The following P3H2 variants were observed in gnomAD, a reference collection of about 807,000 sequenced individuals.
The protein encoded by P3H2 is prolyl 3-hydroxylase 2, also known as leprecan-like 1.
Under a neutral mutation model 87.0 loss-of-function variants are expected in P3H2, and 80 were observed. The observed-to-expected ratio is 0.92, with a 90% CI of 0.77 to 1.11. The LOEUF (loss-of-function observed/expected upper bound fraction) is 1.11. P3H2 is among the 50% of genes least tolerant of loss of function. The pLI, the probability that P3H2 is intolerant of heterozygous loss-of-function variation, is 0.00. For synonymous variants in P3H2, 367 were observed against 359.3 expected (o/e 1.02, Z -0.24); for missense variants, 1,001 against 923.9 (o/e 1.08, Z -1.08).
intron 1 of P3H2, among the ~76,000 whole-genome samples, chr3:190,057,785 G>T (rs1726206241): frequency 6.6e-6 from 1 of 152,082 alleles, no homozygotes; most frequent in African/African-American, 2.4e-5. Flanking sequence ...ATCGAAACAT[G>T]GGAGTGAAAG....
At chr3:190,060,521 A>T (rs796656739) in intron 1 of P3H2, among the ~76,000 whole-genome samples, 13 of 152,242 alleles carry the variant, frequency 8.5e-5, no homozygotes, top group Admixed American at 3.3e-4. Flanking sequence ...TTTCCTCTCA[A>T]TTCTTCTAAT....
At chr3:189,984,747 T>C (rs913932474) in intron 6 of P3H2, among the ~76,000 whole-genome samples, 157 bp from the exon 7 acceptor site, 1 of 152,140 alleles carries the variant, frequency 6.6e-6, no homozygotes, top group African/African-American at 2.4e-5. Context: ...TTATATTTTA[T>C]AGATTAATGA....
chr3:189,980,158 A>G (rs1005992229), intron 8 of P3H2, among the ~76,000 whole-genome samples: 2 of 152,150 alleles, frequency 1.3e-5, no homozygotes, highest in Non-Finnish European at 2.9e-5. Context: ...AATACTAAAC[A>G]CTGATAGGCA....
At chr3:190,018,269 AAAT>A (rs904264975) in intron 1 of P3H2, among the ~76,000 whole-genome samples, 5 of 152,202 alleles carry the variant, frequency 3.3e-5, no homozygotes, top group African/African-American at 9.6e-5. Context: ...CATTTCTACA[AAAT>A]AATAATAATA....
intron 1 of P3H2, among the ~76,000 whole-genome samples, chr3:190,083,073 AC>A (rs770614792): frequency 1.3e-5 from 2 of 152,222 alleles, no homozygotes; most frequent in Non-Finnish European, 2.9e-5. Context: ...AATTCTCACA[AC>A]CAAGCAGCTC....
chr3:190,086,842 C>T (rs893983232), intron 1 of P3H2, among the ~76,000 whole-genome samples: 3 of 152,136 alleles, frequency 2.0e-5, no homozygotes, highest in African/African-American at 7.2e-5. Context: ...ATCTGAAAGA[C>T]CAAGTATTTT....
chr3:189,963,999 C>A lies in P3H2; in HGVS notation c.1993G>T (p.Val665Leu). Residue 665 changes from valine to leucine, a missense_variant, in exon 14 of 15, where the codon GTG becomes TTG. Val to Leu is a conservative substitution (Grantham distance 32). Transcript: ENST00000319332. ...KAVTKGKRCA[V>L]ALWFTLDPLY... The stretch of plus-strand genomic sequence containing the variant: ...GGGTCCAAGGTGAACCACAGAGCCA[C>A]AGCACACCTCTTTCCCTTGGTGACT... The A allele has an allele frequency of 6.2e-7, 1 of 1,614,158 alleles. No individual in the cohort carries two copies. The highest frequency in any genetic ancestry group is 8.5e-7 in the Non-Finnish European group (1 of 1,179,990).
chr3:190,122,077 T>A (rs1290433915), upstream of P3H2: 1 of 58,618 alleles, frequency 1.7e-5, no homozygotes, highest in African/African-American at 1.2e-4. Context: ...TGAGACTCCG[T>A]CTCAAAAACA....
At chr3:190,075,629 T>C (rs146366811) in intron 1 of P3H2, among the ~76,000 whole-genome samples, 2 of 152,150 alleles carry the variant, frequency 1.3e-5, no homozygotes, top group Admixed American at 6.5e-5. Context: ...TCCCAAAATA[T>C]ATGGCACTGG....
chr3:190,108,625 T>C (rs770880978), intron 1 of P3H2, among the ~76,000 whole-genome samples: 1 of 152,232 alleles, frequency 6.6e-6, no homozygotes, highest in Non-Finnish European at 1.5e-5. Flanking sequence ...GTTTATTACG[T>C]TAATTAATAT....
chr3:190,025,377 T>C (rs1263249209), intron 1 of P3H2, among the ~76,000 whole-genome samples: 3 of 152,206 alleles, frequency 2.0e-5, no homozygotes, highest in South Asian at 2.1e-4. Flanking sequence ...CATTAATAAG[T>C]AGCATGGTGA....
At position 189,970,997 on chromosome 3, in the gene P3H2, T is replaced by C. The variant is rs113747051; in HGVS notation, c.1818-106A>G. ...TACTGTCCAGCCTCCATTAGTAAGT[T>C]TCCTTTGAACTAGACATTGATATAA... is the stretch of plus-strand genomic sequence containing the variant. On this transcript the variant is annotated intron_variant, in intron 12 of 14. Transcript: ENST00000319332. 7.4e-3 allele frequency: 5,207 copies of C among 702,914 alleles called. 38 individuals carry two copies. Among genetic ancestry groups the C allele is most frequent in the South Asian group, 0.019 (1,181 of 60,864 alleles). The allele number at this position is 702,914 out of a possible 1,614,324, so 43.5% of individuals were successfully genotyped here.
At chr3:189,977,979 C>T (rs1219293887) in intron 8 of P3H2, among the ~76,000 whole-genome samples, 1 of 152,126 alleles carries the variant, frequency 6.6e-6, no homozygotes, top group Non-Finnish European at 1.5e-5. Flanking sequence ...CTGTTCTAAT[C>T]TATGTAGCTG....
intron 3 of P3H2, among the ~76,000 whole-genome samples, chr3:189,991,600 A>G (rs1408784787): frequency 2.0e-5 from 3 of 152,246 alleles, no homozygotes; most frequent in African/African-American, 7.2e-5. Context: ...ACTAAACAGG[A>G]CAAGGCTTTA....
chr3:190,024,395 T>C (rs188049021), intron 1 of P3H2, among the ~76,000 whole-genome samples: 82 of 151,746 alleles, frequency 5.4e-4, no homozygotes, highest in African/African-American at 1.8e-3. Flanking sequence ...ATACAAAAAT[T>C]AGCCAGGCGC....
chr3:189,980,783 C>T (rs1723509449), intron 8 of P3H2, among the ~76,000 whole-genome samples: 1 of 152,028 alleles, frequency 6.6e-6, no homozygotes, highest in Non-Finnish European at 1.5e-5. Context: ...TCCTTTTTTA[C>T]TTATAATGAG....
intron 1 of P3H2, among the ~76,000 whole-genome samples, chr3:190,087,563 A>AC (rs397730048): frequency 8.0e-5 from 12 of 150,726 alleles, no homozygotes; most frequent in African/African-American, 2.7e-4. Flanking sequence ...AAAAAAAAAA[A>AC]CCATCAAGAA....
intron 1 of P3H2, among the ~76,000 whole-genome samples, chr3:189,998,083 A>C (rs1438734443): frequency 6.6e-6 from 1 of 152,212 alleles, no homozygotes; most frequent in African/African-American, 2.4e-5. Context: ...CACTAGAAAA[A>C]GATAAATAAT....
rs552641510 is a variant in P3H2, at chr3:189,990,900, T to C, written c.824-1862A>G. ...TTTTCCAGCTACCGACATGCTGTGG[T>C]GACCTTGAGCAAATCACTAAATATT... On this transcript the variant is annotated intron_variant, in intron 3 of 14. Coordinates refer to ENST00000319332, the MANE Select transcript of P3H2 (RefSeq NM_018192.4). Among the ~76,000 whole-genome samples the C allele has an allele frequency of 3.9e-5, 6 of 152,340 alleles. No individual in the cohort carries two copies. The East Asian group carries it at 1.2e-3, about 29-fold the overall frequency.
Sources: gnomAD v4.1 joint callset for allele counts (sites outside exome capture counted in the v4.1 genomes callset) on GRCh38, gnomAD v4.1.1 for gene constraint, MANE v1.5 for transcripts, NCBI Gene and HGNC (gene_info 2026-07-23, HGNC 2026-07-21) for gene names.